The following LINGO1 variants were observed in gnomAD, a reference collection of about 807,000 sequenced individuals.
The protein encoded by LINGO1 is leucine-rich repeat and immunoglobulin-like domain-containing nogo receptor-interacting protein 1.
A neutral mutation model predicts 37.3 loss-of-function variants in LINGO1; 11 were observed. The ratio of observed to expected loss-of-function variants is 0.29; its 90% CI spans 0.19 to 0.49. The LOEUF is 0.49. Ranked by LOEUF, LINGO1 falls within the 20% of genes least tolerant of loss-of-function variation. LINGO1 has a pLI of 0.99. For missense variants in LINGO1, 585 were observed against 878.2 expected (o/e 0.67, Z 4.22); for synonymous variants, 387 against 403.0 (o/e 0.96, Z 0.48).
At chr15:77,756,431 A>G (rs917555813) in intron 1 of LINGO1, among the ~76,000 whole-genome samples, 3 of 152,142 alleles carry the variant, frequency 2.0e-5, no homozygotes, top group African/African-American at 7.2e-5. Context: ...ACACACTCAC[A>G]AATGTGTTTA....
chr15:77,765,669 C>G (rs1353017435), intron 1 of LINGO1, among the ~76,000 whole-genome samples: 5 of 152,050 alleles, frequency 3.3e-5, no homozygotes, highest in African/African-American at 1.2e-4. Context: ...AGGCACCCAG[C>G]CCACCCAGCC....
chr15:77,799,186 C>T (rs529060679), intron 1 of LINGO1, among the ~76,000 whole-genome samples: 94 of 152,294 alleles, frequency 6.2e-4, no homozygotes, highest in African/African-American at 2.1e-3. Flanking sequence ...ATTCATTCTA[C>T]TTTTGTTAAG....
At chr15:77,621,041 T>C (rs929252020) in intron 1 of LINGO1, among the ~76,000 whole-genome samples, 1 of 150,958 alleles carries the variant, frequency 6.6e-6, no homozygotes, top group African/African-American at 2.5e-5. Flanking sequence ...GTCCCTGCTA[T>C]GGGCCAGGTT....
intron 1 of LINGO1, among the ~76,000 whole-genome samples, chr15:77,768,879 C>T (rs975692684): frequency 1.3e-5 from 2 of 152,184 alleles, no homozygotes; most frequent in African/African-American, 2.4e-5. Flanking sequence ...TGCAGCCTTG[C>T]GGGGCAGCAG....
At chr15:77,771,788 G>T (rs1567574620) in intron 1 of LINGO1, among the ~76,000 whole-genome samples, 2 of 152,222 alleles carry the variant, frequency 1.3e-5, no homozygotes, top group Admixed American at 1.3e-4. Flanking sequence ...CTCCACAGGG[G>T]CAGCAACTAG....
chr15:77,735,271 A>C (rs908467479), intron 1 of LINGO1, among the ~76,000 whole-genome samples: 2 of 152,204 alleles, frequency 1.3e-5, no homozygotes, highest in African/African-American at 2.4e-5. Flanking sequence ...ACTTTCGGTA[A>C]AGCAAGGGCC....
intron 3 of LINGO1, among the ~76,000 whole-genome samples, chr15:77,641,010 G>A (rs577180406): frequency 2.0e-5 from 3 of 152,254 alleles, no homozygotes; most frequent in Middle Eastern, 6.8e-3. Context: ...ACATCCAGAA[G>A]GAAGCAATGG....
intron 1 of LINGO1, among the ~76,000 whole-genome samples, chr15:77,769,665 C>T (rs765888892): frequency 2.6e-5 from 4 of 152,136 alleles, no homozygotes; most frequent in Non-Finnish European, 2.9e-5. Context: ...TCAGCCCCCA[C>T]CCACCCCTGG....
intron 1 of LINGO1, among the ~76,000 whole-genome samples, chr15:77,748,282 C>G (rs1267251067): frequency 6.6e-6 from 1 of 152,258 alleles, no homozygotes; most frequent in Non-Finnish European, 1.5e-5. Flanking sequence ...CTTGGGCCAC[C>G]AGAGTTTGCC....
At chr15:77,652,891 C>T (rs2074792549) in intron 3 of LINGO1, among the ~76,000 whole-genome samples, 1 of 152,120 alleles carries the variant, frequency 6.6e-6, no homozygotes, top group Non-Finnish European at 1.5e-5. Context: ...TGTTTCCTTC[C>T]CTGACTGTGA....
intron 1 of LINGO1, among the ~76,000 whole-genome samples, chr15:77,756,782 C>T (rs1004486663): frequency 4.6e-5 from 7 of 152,214 alleles, no homozygotes; most frequent in African/African-American, 1.7e-4. Context: ...GACCCTGAAC[C>T]ACCATGCCAC....
chr15:77,732,537 C>G (rs2076163298), intron 2 of LINGO1, among the ~76,000 whole-genome samples: 1 of 152,214 alleles, frequency 6.6e-6, no homozygotes, highest in African/African-American at 2.4e-5. Flanking sequence ...ATGCACCCAT[C>G]CAAGCAAGAC....
intron 3 of LINGO1, among the ~76,000 whole-genome samples, chr15:77,650,655 G>A (rs2074740308): frequency 6.6e-6 from 1 of 152,210 alleles, no homozygotes; most frequent in Admixed American, 6.5e-5. Flanking sequence ...GAGTTGCCCA[G>A]TAGAGGGGCT....
intron 1 of LINGO1, among the ~76,000 whole-genome samples, chr15:77,812,700 C>T (rs538974200): frequency 1.2e-3 from 182 of 152,314 alleles, no homozygotes; most frequent in African/African-American, 4.1e-3. Flanking sequence ...GGCTCACCTC[C>T]GTGGATCAAT....
intron 2 of LINGO1, among the ~76,000 whole-genome samples, chr15:77,683,156 A>G (rs940543911): frequency 4.6e-5 from 7 of 152,256 alleles, no homozygotes; most frequent in African/African-American, 1.7e-4. Flanking sequence ...GGGGAGAAGC[A>G]GAGTGAGTGT....
chr15:77,619,887 C>G (rs2073865773), intron 1 of LINGO1, among the ~76,000 whole-genome samples: 3 of 152,206 alleles, frequency 2.0e-5, no homozygotes, highest in Admixed American at 6.5e-5. Context: ...TCTGAGATGC[C>G]TCATCTCATG....
chr15:77,619,106 T>C (rs1017138773), intron 1 of LINGO1, among the ~76,000 whole-genome samples: 2 of 151,678 alleles, frequency 1.3e-5, no homozygotes, highest in Non-Finnish European at 2.9e-5. Flanking sequence ...GAGGGAAATA[T>C]GCTCCAAAGC....
chr15:77,747,717 G>A (rs972609140), intron 1 of LINGO1, among the ~76,000 whole-genome samples: 3 of 152,218 alleles, frequency 2.0e-5, no homozygotes, highest in Non-Finnish European at 2.9e-5. Context: ...GCGGGCCCCC[G>A]CCTCCAGAAT....
chr15:77,631,997 C>T (rs2074268920), intron 1 of LINGO1, among the ~76,000 whole-genome samples: 1 of 152,134 alleles, frequency 6.6e-6, no homozygotes, highest in South Asian at 2.1e-4. Flanking sequence ...GTGACCAATA[C>T]TCAGAATGGG....
Sources: gnomAD v4.1 joint callset for allele counts (sites outside exome capture counted in the v4.1 genomes callset) on GRCh38, gnomAD v4.1.1 for gene constraint, MANE v1.5 for transcripts, NCBI Gene and HGNC (gene_info 2026-07-23, HGNC 2026-07-21) for gene names.